PDE1A: variants seen among roughly 807,000 people sequenced by gnomAD.
PDE1A encodes phosphodiesterase 1A, also known as dual specificity calcium/calmodulin-dependent 3',5'-cyclic nucleotide phosphodiesterase 1A.
In PDE1A, 35 loss-of-function variants were observed where a neutral mutation model predicts 61.7. The ratio of observed to expected loss-of-function variants is 0.57; its 90% confidence interval spans 0.43 to 0.75. The LOEUF (loss-of-function observed/expected upper bound fraction) is 0.75, where lower values mean the gene tolerates loss of function less well. Ranked by LOEUF, PDE1A falls within the 30% of genes least tolerant of loss-of-function variation. The probability of loss-of-function intolerance (pLI) is 0.00; values close to 1 mark genes in which losing one functional copy is unlikely to be tolerated. For missense variants in PDE1A, 597 were observed against 630.6 expected, an observed-to-expected ratio of 0.95 and a Z score of 0.57; for synonymous variants, 232 against 213.2, an observed-to-expected ratio of 1.09 and a Z score of -0.77.
chr2:182,533,865 G>A, the PDE1A span, among the ~76,000 whole-genome samples: 1 of 151,866 alleles, frequency 6.6e-6, no homozygotes, highest in Admixed American at 6.5e-5. Flanking sequence ...AATTGAAGAG[G>A]TAAAACTCTT....
At chr2:182,711,751 A>G in the PDE1A span, among the ~76,000 whole-genome samples, 151 of 152,372 alleles carry the variant, frequency 9.9e-4, no homozygotes, top group Admixed American at 1.6e-3. Flanking sequence ...CACATAAGCC[A>G]GCTTGAAAGA....
chr2:182,626,740 TATATATACATATATATATATAC>T, the PDE1A span, among the ~76,000 whole-genome samples: 9 of 28,646 alleles, frequency 3.1e-4, 1 homozygote, highest in African/African-American at 5.8e-4. Context: ...TATATATACA[TATATATACATATATATATATAC>T]ATATATATAC....
At chr2:182,448,080 T>C (rs1685259995) in intron 2 of PDE1A, among the ~76,000 whole-genome samples, 1 of 151,946 alleles carries the variant, frequency 6.6e-6, no homozygotes, top group African/African-American at 2.4e-5. Flanking sequence ...ACAAGCTGCA[T>C]TTTTAACATT....
At chr2:182,257,164 C>T (rs1007441559) in intron 2 of PDE1A, among the ~76,000 whole-genome samples, 22 of 152,174 alleles carry the variant, frequency 1.4e-4, no homozygotes, top group East Asian at 5.8e-4. Context: ...TAGCTCCATG[C>T]CTTGCCTTAA....
At chr2:182,146,601 C>T (rs1690508663), downstream of PDE1A, among the ~76,000 whole-genome samples, 1 of 152,130 alleles carries the variant, frequency 6.6e-6, no homozygotes, top group African/African-American at 2.4e-5. Flanking sequence ...TCTCCTGCCT[C>T]AGCCTCCCAA....
chr2:182,391,396 C>G (rs1260702667), intron 1 of PDE1A, among the ~76,000 whole-genome samples: 1 of 152,130 alleles, frequency 6.6e-6, no homozygotes, highest in Non-Finnish European at 1.5e-5. Context: ...TGTGAGTGAG[C>G]TGGAAATGCC....
intron 2 of PDE1A, among the ~76,000 whole-genome samples, chr2:182,435,315 AT>A (rs1684328135): frequency 6.6e-6 from 1 of 152,090 alleles, no homozygotes; most frequent in Admixed American, 6.6e-5. Flanking sequence ...TTAATATAAA[AT>A]TCTCTTTGAG....
the PDE1A span, among the ~76,000 whole-genome samples, chr2:182,575,840 A>T: frequency 6.8e-5 from 10 of 146,592 alleles, no homozygotes; most frequent in African/African-American, 2.5e-4. Flanking sequence ...CATCTTGCAG[A>T]GAGCCTATTG....
intron 1 of PDE1A, among the ~76,000 whole-genome samples, chr2:182,384,240 A>C (rs1460043011): frequency 1.3e-5 from 2 of 152,196 alleles, no homozygotes; most frequent in East Asian, 3.8e-4. Context: ...ACATAGACAC[A>C]TGACCACAAG....
chr2:182,257,194 C>T (rs914846546), intron 2 of PDE1A, among the ~76,000 whole-genome samples: 3 of 152,198 alleles, frequency 2.0e-5, no homozygotes, highest in Admixed American at 6.5e-5. Flanking sequence ...TTTTCCTTAA[C>T]TACCTGCCTG....
upstream of PDE1A, among the ~76,000 whole-genome samples, chr2:182,428,787 T>G (rs1423933123): frequency 1.3e-5 from 2 of 152,126 alleles, no homozygotes; most frequent in Non-Finnish European, 2.9e-5. Context: ...ATCTTCCTCC[T>G]GAGGGAAAAT....
chr2:182,246,237 G>C (rs745914844), intron 2 of PDE1A, among the ~76,000 whole-genome samples: 4 of 152,104 alleles, frequency 2.6e-5, no homozygotes, highest in African/African-American at 9.7e-5. Flanking sequence ...CAGGGCCTGT[G>C]TACTTGCTAT....
the PDE1A span, among the ~76,000 whole-genome samples, chr2:182,591,794 T>C: frequency 3.3e-5 from 5 of 152,160 alleles, no homozygotes; most frequent in Non-Finnish European, 5.9e-5. Flanking sequence ...CACTGGAAAT[T>C]TAGTCTCTTT....
chr2:182,284,298 A>G (rs1021398868), intron 1 of PDE1A, among the ~76,000 whole-genome samples: 4 of 152,152 alleles, frequency 2.6e-5, no homozygotes, highest in African/African-American at 9.7e-5. Flanking sequence ...GCTAGAACAA[A>G]TCTTAAATGC....
chr2:182,493,943 G>C (rs1227839496), intron 2 of PDE1A, among the ~76,000 whole-genome samples: 1 of 152,186 alleles, frequency 6.6e-6, no homozygotes, highest in East Asian at 1.9e-4. Flanking sequence ...CCCAGGCATG[G>C]ACTGTATTTT....
At chr2:182,348,561 C>T (rs1698663333) in intron 1 of PDE1A, among the ~76,000 whole-genome samples, 1 of 152,050 alleles carries the variant, frequency 6.6e-6, no homozygotes, top group African/African-American at 2.4e-5. Context: ...AGCTATTTCT[C>T]CTGTCTTTGA....
chr2:182,253,379 A>T (rs1387332427), intron 2 of PDE1A, among the ~76,000 whole-genome samples: 2 of 152,156 alleles, frequency 1.3e-5, no homozygotes, highest in Non-Finnish European at 2.9e-5. Context: ...ATCACCAAGG[A>T]CTAAGGTTTC....
At chr2:182,498,553 T>TA (rs1688864838) in intron 2 of PDE1A, among the ~76,000 whole-genome samples, 3 of 151,732 alleles carry the variant, frequency 2.0e-5, no homozygotes, top group African/African-American at 2.4e-5. Context: ...GTTATCAAAT[T>TA]AAAAAAATGA....
At position 182,186,098 on chromosome 2, in the gene PDE1A, G is replaced by A. The variant is rs554349951; in HGVS notation, c.1329-19C>T. 7 of 1,606,768 alleles carry A rather than the reference G, an allele frequency of 4.4e-6. No individual in the cohort carries two copies. The Admixed American group carries it at 5.1e-5, about 12-fold the overall frequency. On this transcript the variant is annotated intron_variant, in intron 12 of 13. Transcript: ENST00000351439. ...GGTTGAGCTAACAGTAACAACCAAA[G>A]AAACCAAAAAACACCATCAGGATAT...
Sources: gnomAD v4.1 joint callset for allele counts (sites outside exome capture counted in the v4.1 genomes callset) on GRCh38, gnomAD v4.1.1 for gene constraint, MANE v1.5 for transcripts, NCBI Gene and HGNC (gene_info 2026-07-23, HGNC 2026-07-21) for gene names.